Variants in ATP10D observed in about 807,000 individuals in gnomAD.
The protein encoded by ATP10D is ATPase phospholipid transporting 10D (putative), also known as phospholipid-transporting ATPase VD.
Under a neutral mutation model 144.8 loss-of-function variants are expected in ATP10D, and 89 were observed. The observed-to-expected ratio is 0.61, with a 90% confidence interval of 0.52 to 0.73. The LOEUF (loss-of-function observed/expected upper bound fraction) is 0.73, where lower values mean the gene tolerates loss of function less well. Ranked by LOEUF, ATP10D falls within the 30% of genes least tolerant of loss-of-function variation. The pLI is 0.00. For missense variants in ATP10D, 1,603 were observed against 1,714.8 expected (o/e 0.93, Z 1.15); for synonymous variants, 571 against 615.1 (o/e 0.93, Z 1.06).
chr4:47,535,725 A>C (rs1489141537), intron 6 of ATP10D, 110 bp downstream of exon 6: 4 of 1,360,832 alleles, frequency 2.9e-6, no homozygotes, highest in Non-Finnish European at 4.0e-6. Context: ...ATTTTGCCTG[A>C]TAAACTTAAT....
At chr4:47,587,460 G>T (rs1720844707) in intron 22 of ATP10D, among the ~76,000 whole-genome samples, 1 of 152,120 alleles carries the variant, frequency 6.6e-6, no homozygotes. Flanking sequence ...GGGTAGCTTT[G>T]CTTCACAGGG....
intron 1 of ATP10D, among the ~76,000 whole-genome samples, chr4:47,498,133 C>G (rs1183324572): frequency 1.3e-5 from 2 of 152,152 alleles, no homozygotes; most frequent in Admixed American, 1.3e-4. Flanking sequence ...TAAGAAGTCC[C>G]ACTAGGGCTG....
At chr4:47,517,662 T>A (rs886192578) in intron 3 of ATP10D, among the ~76,000 whole-genome samples, 1 of 152,230 alleles carries the variant, frequency 6.6e-6, no homozygotes, top group Non-Finnish European at 1.5e-5. Flanking sequence ...TTATTATAGG[T>A]TAATAATGAC....
At chr4:47,551,745 G>A (rs1718740720) in intron 10 of ATP10D, among the ~76,000 whole-genome samples, 1 of 152,154 alleles carries the variant, frequency 6.6e-6, no homozygotes, top group South Asian at 2.1e-4. Flanking sequence ...AAGTTAGCAG[G>A]CATCCAGAGA....
intron 1 of ATP10D, among the ~76,000 whole-genome samples, chr4:47,498,542 G>A (rs1398213309): frequency 6.6e-6 from 1 of 152,136 alleles, no homozygotes; most frequent in East Asian, 1.9e-4. Flanking sequence ...AATTAACCAA[G>A]TATATCTCCA....
chr4:47,532,460 G>T (rs1341214571), intron 5 of ATP10D, among the ~76,000 whole-genome samples: 1 of 152,166 alleles, frequency 6.6e-6, no homozygotes, highest in Non-Finnish European at 1.5e-5. Context: ...CTCAGATTCT[G>T]CCTTCACTAG....
chr4:47,504,321 C>A (rs1398457832), intron 1 of ATP10D, among the ~76,000 whole-genome samples: 3 of 152,110 alleles, frequency 2.0e-5, no homozygotes, highest in South Asian at 2.1e-4. Flanking sequence ...ACCAAGGGAG[C>A]AATACCAACA....
chr4:47,514,316 G>A (rs936535489), intron 2 of ATP10D, among the ~76,000 whole-genome samples: 7 of 152,124 alleles, frequency 4.6e-5, no homozygotes, highest in Non-Finnish European at 1.0e-4. Flanking sequence ...TTGGAATCTA[G>A]TGTACCCAAT....
intron 4 of ATP10D, among the ~76,000 whole-genome samples, chr4:47,524,173 G>A (rs1577644346): frequency 6.6e-6 from 1 of 152,172 alleles, no homozygotes; most frequent in East Asian, 1.9e-4. Flanking sequence ...TGATCCATGT[G>A]CCTCGGCCTC....
Position 47,536,010 on chromosome 4 carries a change from T to G in ATP10D, c.992T>G (p.Ile331Arg). ...DVLWCVMLLV[I>R]MCLTGAVGHG... ...CTCTGGTGTGTCATGCTTCTGGTCA[T>G]AATGTGCTTAACTGGCGCAGTAGGT... The change falls in exon 7 of 23, where the codon ATA becomes AGA. Residue 331 changes from isoleucine to arginine, a missense_variant. Transcript: ENST00000273859. 1 of 1,612,358 alleles carries G rather than the reference T, an allele frequency of 6.2e-7. No individual in the cohort carries two copies. The highest frequency in any genetic ancestry group is 1.1e-5 in the South Asian group (1 of 90,742).
intron 3 of ATP10D, among the ~76,000 whole-genome samples, chr4:47,521,585 C>T (rs934309218): frequency 1.2e-4 from 18 of 152,256 alleles, no homozygotes; most frequent in African/African-American, 3.4e-4. Flanking sequence ...CAGGAGTTGG[C>T]AAACAGAAGT....
At chr4:47,563,855 AC>A (rs1371576948) in intron 15 of ATP10D, 90 bp downstream of exon 15, 14 of 1,134,838 alleles carry the variant, frequency 1.2e-5, no homozygotes, top group African/African-American at 3.2e-5. Flanking sequence ...TAAAAAAAAA[AC>A]AAAACAGCAA....
intron 1 of ATP10D, among the ~76,000 whole-genome samples, chr4:47,495,210 G>A (rs1484260217): frequency 6.6e-6 from 1 of 151,952 alleles, no homozygotes; most frequent in Non-Finnish European, 1.5e-5. Context: ...TTAATATTGA[G>A]TATAGCATTA....
intron 1 of ATP10D, among the ~76,000 whole-genome samples, chr4:47,488,959 C>T (rs879238689): frequency 4.6e-5 from 7 of 152,162 alleles, no homozygotes; most frequent in Admixed American, 2.6e-4. Flanking sequence ...TATCTGCTGG[C>T]GCCTTGATTT....
intron 15 of ATP10D, among the ~76,000 whole-genome samples, chr4:47,568,437 A>G (rs13110314): frequency 0.25 from 37,568 of 152,186 alleles, 4,651 homozygotes; most frequent in Admixed American, 0.31. Context: ...TCCTCACAAC[A>G]AGATTATGAT....
At chr4:47,586,447 T>C (rs985224759) in intron 21 of ATP10D, among the ~76,000 whole-genome samples, 3 of 152,144 alleles carry the variant, frequency 2.0e-5, no homozygotes, top group Non-Finnish European at 4.4e-5. Flanking sequence ...GCATGGAAAA[T>C]TGCAGACAAG....
rs2109460640 is a variant in ATP10D at position 47,569,014 on chromosome 4, A to G, written c.3031A>G (p.Ser1011Gly). ...GACCCTGGAGTTTGCCCTGCAAGAAAGTCTGCAAAAGCAGTTCCTGGAACT... is the reference window on the plus strand; with the variant it reads ...GACCCTGGAGTTTGCCCTGCAAGAAGGTCTGCAAAAGCAGTTCCTGGAACT... ...GKTLEFALQE[S>G]LQKQFLELTS... Residue 1011 changes from serine (S) to glycine (G), a missense_variant, in exon 16 of 23, where the codon AGT becomes GGT. Physicochemically the swap from Ser to Gly is moderately conservative, Grantham distance 56. Transcript: ENST00000273859. 1.9e-6 allele frequency: 3 copies of G among 1,614,214 alleles called. No individual in the cohort carries two copies. The highest frequency in any genetic ancestry group is 2.2e-5 in the East Asian group (1 of 44,878).
rs555913584 is a variant in ATP10D at position 47,502,339 on chromosome 4, C to G, written c.-37-10165C>G. Among the ~76,000 whole-genome samples, 175 of 152,038 alleles carry G rather than the reference C, an allele frequency of 1.2e-3. 1 individual carries two copies. Among genetic ancestry groups the G allele is most frequent in the African/African-American group, 3.7e-3 (153 of 41,492 alleles). On this transcript the variant is annotated intron_variant, in intron 1 of 22. Coordinates refer to ENST00000273859, the MANE Select transcript of ATP10D (RefSeq NM_020453.4). ...GCAAGAAATTAGCTGGGCGTGGTGG[C>G]GGGCGCCTGTAGTTCCAGCTACTCG...
At chr4:47,504,533 C>T (rs898993566) in intron 1 of ATP10D, among the ~76,000 whole-genome samples, 2 of 152,122 alleles carry the variant, frequency 1.3e-5, no homozygotes, top group Admixed American at 1.3e-4. Context: ...TCAGGCAGGG[C>T]TGGCTACCTC....
Sources: allele counts gnomAD v4.1 joint callset (sites outside exome capture counted in the v4.1 genomes callset), GRCh38; gene constraint gnomAD v4.1.1; transcripts MANE v1.5; gene names NCBI Gene and HGNC (gene_info 2026-07-23, HGNC 2026-07-21).